ZDHHC2: variants seen among roughly 807,000 people sequenced by gnomAD.
The protein encoded by ZDHHC2 is palmitoyltransferase ZDHHC2.
A neutral mutation model predicts 55.6 loss-of-function variants in ZDHHC2; 51 were observed. That is an observed-to-expected ratio of 0.92 (90% CI 0.73 to 1.16). The LOEUF (loss-of-function observed/expected upper bound fraction) is 1.16, where lower values mean the gene tolerates loss of function less well. Ranked by LOEUF, ZDHHC2 falls within the 50% of genes most tolerant of loss-of-function variation. The probability of loss-of-function intolerance (pLI) is 0.00; values close to 1 mark genes in which losing one functional copy is unlikely to be tolerated. For synonymous variants in ZDHHC2, 199 were observed against 152.9 expected, an observed-to-expected ratio of 1.30 and a Z score of -2.22; for missense variants, 491 against 442.4, an observed-to-expected ratio of 1.11 and a Z score of -0.99.
chr8:17,203,164 G>A (rs149871539), intron 6 of ZDHHC2, among the ~76,000 whole-genome samples: 1 of 149,574 alleles, frequency 6.7e-6, no homozygotes, highest in Admixed American at 6.7e-5. Flanking sequence ...GGTTCAAGCA[G>A]TTCTTCTACC....
At chr8:17,197,399 A>T (rs908056149) in intron 4 of ZDHHC2, among the ~76,000 whole-genome samples, 183 bp from the exon 5 acceptor site, 2 of 152,232 alleles carry the variant, frequency 1.3e-5, no homozygotes, top group Admixed American at 1.3e-4. Context: ...CCTCCAGAGA[A>T]CTGTGGCTGT....
intron 1 of ZDHHC2, among the ~76,000 whole-genome samples, chr8:17,167,304 C>CT (rs371848954): frequency 0.03 from 3,312 of 108,716 alleles, 182 homozygotes; most frequent in African/African-American, 0.094. Context: ...TTTTTTTTAA[C>CT]TTTTTTTTTT....
rs1192085883 is a variant in ZDHHC2, at chr8:17,156,868, C to A, written c.130+15C>A. ...GCTGTGCATAGGTGAGTGCGCCCCC[C>A]GCCGCGGCGCCCCCAGCGCAGCGCA... On this transcript the variant is annotated intron_variant, in intron 1 of 12. Transcript: ENST00000262096. The A allele has an allele frequency of 2.7e-6, 4 of 1,487,690 alleles. No homozygotes were observed. The highest frequency in any genetic ancestry group is 2.3e-5 in the Admixed American group (1 of 43,978). 92.2% of individuals were successfully genotyped at this position (1,487,690 alleles called of 1,614,324 possible).
At chr8:17,193,037 C>T (rs1047764543) in intron 3 of ZDHHC2, among the ~76,000 whole-genome samples, 1 of 152,064 alleles carries the variant, frequency 6.6e-6, no homozygotes, top group Admixed American at 6.5e-5. Flanking sequence ...ACGCCAGTAC[C>T]GTGCTATTTA....
At chr8:17,206,891 T>G (rs1807126766) in intron 7 of ZDHHC2, among the ~76,000 whole-genome samples, 1 of 152,176 alleles carries the variant, frequency 6.6e-6, no homozygotes. Context: ...AAAGAGTTAT[T>G]GAATGCCTAC....
At chr8:17,172,304 A>T (rs897977996) in intron 1 of ZDHHC2, among the ~76,000 whole-genome samples, 2 of 152,214 alleles carry the variant, frequency 1.3e-5, no homozygotes, top group African/African-American at 2.4e-5. Flanking sequence ...CCGGCTAAAT[A>T]TACGGACTTT....
chr8:17,211,579 G>A (rs1209095038), intron 10 of ZDHHC2, among the ~76,000 whole-genome samples: 7 of 152,118 alleles, frequency 4.6e-5, no homozygotes, highest in South Asian at 4.2e-4. Context: ...AGCCATGACC[G>A]CCCAGGATCA....
chr8:17,220,033 A>AT (rs35393426), intron 12 of ZDHHC2, among the ~76,000 whole-genome samples: 4 of 150,688 alleles, frequency 2.7e-5, no homozygotes, highest in African/African-American at 9.7e-5. Context: ...AGAGTCTGCA[A>AT]TTTTTTTTTT....
intron 3 of ZDHHC2, among the ~76,000 whole-genome samples, chr8:17,188,229 C>T (rs1805822839): frequency 6.6e-6 from 1 of 152,150 alleles, no homozygotes; most frequent in South Asian, 2.1e-4. Flanking sequence ...ACCTTTCCTT[C>T]CCAGAACCCC....
intron 1 of ZDHHC2, among the ~76,000 whole-genome samples, chr8:17,178,284 G>C (rs972460201): frequency 6.6e-6 from 1 of 152,070 alleles, no homozygotes; most frequent in Non-Finnish European, 1.5e-5. Context: ...TGTACGAGTG[G>C]AATAACCGTT....
intron 1 of ZDHHC2, among the ~76,000 whole-genome samples, chr8:17,170,218 A>G (rs887452186): frequency 6.6e-6 from 1 of 152,346 alleles, no homozygotes; most frequent in South Asian, 2.1e-4. Context: ...GTTACAGAAG[A>G]AAATAGTGCT....
intron 1 of ZDHHC2, among the ~76,000 whole-genome samples, chr8:17,159,153 A>C (rs1804209384): frequency 6.6e-6 from 1 of 152,216 alleles, no homozygotes. Context: ...ACACAAAACC[A>C]GACTCCCAGA....
chr8:17,178,358 T>C (rs1462844298), intron 1 of ZDHHC2, among the ~76,000 whole-genome samples: 1 of 152,168 alleles, frequency 6.6e-6, no homozygotes, highest in East Asian at 1.9e-4. Flanking sequence ...TTAATATATA[T>C]AAATCATTCT....
In ZDHHC2 at chr8:17,208,755, G is replaced by A. The variant is rs544015354; in HGVS notation, c.730+663G>A. On this transcript the variant is annotated intron_variant, in intron 8 of 12. Coordinates refer to ENST00000262096, the MANE Select transcript of ZDHHC2 (RefSeq NM_016353.5). The stretch of plus-strand genomic sequence containing the variant: ...CTGATAAAGTAATTTCTAAGCCCAG[G>A]AATTTTATTTCAAATTATGTGTTAG... Among the ~76,000 whole-genome samples, 14 of 152,254 alleles carry A rather than the reference G, an allele frequency of 9.2e-5. No homozygotes were observed. In the South Asian group the frequency reaches 2.7e-3, roughly 29 times the overall value.
chr8:17,182,552 T>G (rs1220702409), intron 1 of ZDHHC2, among the ~76,000 whole-genome samples: 2 of 152,180 alleles, frequency 1.3e-5, no homozygotes, highest in Admixed American at 1.3e-4. Flanking sequence ...AATTATTTAC[T>G]ATAAAGATGA....
intron 1 of ZDHHC2, among the ~76,000 whole-genome samples, chr8:17,175,711 C>T (rs1306432783): frequency 6.7e-6 from 1 of 149,540 alleles, no homozygotes; most frequent in Non-Finnish European, 1.5e-5. Context: ...TAAAACATCA[C>T]ACAGGATTCA....
rs780739332 is a variant in ZDHHC2, at chr8:17,210,456, C to A, written c.926C>A (p.Ala309Glu). Reference protein sequence around the residue: ...NQDPEQASTPAGLNSTAKNLE... With the variant: ...NQDPEQASTPEGLNSTAKNLE... ...GATCCTGAACAAGCATCTACTCCTG[C>A]AGGGCTGAATTCCACAGCTAAAAAG... is the stretch of plus-strand genomic sequence containing the variant. Residue 309 changes from alanine (A) to glutamate (E), a missense_variant, in exon 10 of 13, where the codon GCA becomes GAA. Coordinates refer to ENST00000262096, the MANE Select transcript of ZDHHC2 (RefSeq NM_016353.5). The A allele has an allele frequency of 1.2e-6, 2 of 1,611,920 alleles. No individual in the cohort carries two copies. Among genetic ancestry groups the A allele is most frequent in the Non-Finnish European group, 1.7e-6 (2 of 1,178,990 alleles).
intron 6 of ZDHHC2, among the ~76,000 whole-genome samples, chr8:17,199,533 T>TTCGTCTTCGTCTTC (rs773429262): frequency 1.6e-4 from 5 of 31,258 alleles, no homozygotes; most frequent in African/African-American, 5.8e-4. Flanking sequence ...CTTCGTCTTC[T>TTCGTCTTCGTCTTC]GTCTTCGTCT....
chr8:17,169,872 T>C (rs914549466), intron 1 of ZDHHC2, among the ~76,000 whole-genome samples: 1 of 152,168 alleles, frequency 6.6e-6, no homozygotes, highest in Non-Finnish European at 1.5e-5. Context: ...TTTTTAGAAC[T>C]TCTCACTTAC....
Sources: gnomAD v4.1 joint callset for allele counts (sites outside exome capture counted in the v4.1 genomes callset) on GRCh38, gnomAD v4.1.1 for gene constraint, MANE v1.5 for transcripts, NCBI Gene and HGNC (gene_info 2026-07-23, HGNC 2026-07-21) for gene names.